Variants in PTPRT observed in about 807,000 individuals in gnomAD.
PTPRT encodes receptor-type tyrosine-protein phosphatase T.
In PTPRT, 56 loss-of-function variants were observed where a neutral mutation model predicts 176.8. The ratio of observed to expected loss-of-function variants is 0.32; its 90% CI spans 0.26 to 0.40. The LOEUF (loss-of-function observed/expected upper bound fraction) is 0.40, where lower values mean the gene tolerates loss of function less well. Ranked by LOEUF, PTPRT falls within the 10% of genes least tolerant of loss-of-function variation. The pLI is 1.00. For synonymous variants in PTPRT, 783 were observed against 739.0 expected (o/e 1.06, Z -0.96); for missense variants, 1,540 against 1,908.2 (o/e 0.81, Z 3.60).
chr20:42,521,746 T>A (rs1331738481), intron 7 of PTPRT, among the ~76,000 whole-genome samples: 2 of 152,212 alleles, frequency 1.3e-5, no homozygotes, highest in Non-Finnish European at 2.9e-5. Context: ...TTGCTGTATA[T>A]AAAGTGCTTG....
At chr20:42,567,964 T>A (rs920460939) in intron 7 of PTPRT, among the ~76,000 whole-genome samples, 1 of 147,694 alleles carries the variant, frequency 6.8e-6, no homozygotes, top group African/African-American at 2.5e-5. Flanking sequence ...GTGGGTTTGC[T>A]TTTTTTTGCT....
chr20:42,094,652 G>A (rs2146188913), intron 27 of PTPRT, among the ~76,000 whole-genome samples: 1 of 152,274 alleles, frequency 6.6e-6, no homozygotes, highest in African/African-American at 2.4e-5. Flanking sequence ...CACTTTGGGA[G>A]GCCAAGATCA....
intron 6 of PTPRT, among the ~76,000 whole-genome samples, chr20:42,734,990 G>A (rs979186098): frequency 1.3e-5 from 2 of 152,168 alleles, no homozygotes; most frequent in Non-Finnish European, 2.9e-5. Flanking sequence ...CCATGGGGAG[G>A]GATCATGAAG....
intron 1 of PTPRT, among the ~76,000 whole-genome samples, chr20:43,079,192 C>G (rs528396888): frequency 7.2e-6 from 1 of 138,322 alleles, no homozygotes; most frequent in South Asian, 2.7e-4. Context: ...CCCCCCAGCC[C>G]CCTCTCTCCC....
chr20:42,335,827 C>T (rs868158939), intron 11 of PTPRT, among the ~76,000 whole-genome samples: 2 of 151,942 alleles, frequency 1.3e-5, no homozygotes, highest in Admixed American at 6.6e-5. Context: ...CATTCTATAA[C>T]GAATTAAACA....
At chr20:42,982,264 GGA>G (rs147184710) in intron 1 of PTPRT, among the ~76,000 whole-genome samples, 2 of 151,974 alleles carry the variant, frequency 1.3e-5, no homozygotes, top group African/African-American at 4.8e-5. Context: ...GCTGGGTGGT[GGA>G]GAGAGAGAGA....
intron 7 of PTPRT, among the ~76,000 whole-genome samples, chr20:42,526,048 TTTGC>T (rs2072262757): frequency 1.3e-5 from 2 of 152,252 alleles, no homozygotes; most frequent in South Asian, 4.1e-4. Context: ...CATTGATATG[TTTGC>T]TTGTACACCA....
chr20:42,130,539 G>T (rs1988076082), intron 18 of PTPRT, among the ~76,000 whole-genome samples: 1 of 152,216 alleles, frequency 6.6e-6, no homozygotes, highest in Non-Finnish European at 1.5e-5. Context: ...ACAACCTGCA[G>T]GGGTAAGTTA....
At position 42,199,244 on chromosome 20, in the gene PTPRT, T is replaced by A; in HGVS notation, c.2487A>T (p.Gly829=). 6.2e-7 allele frequency: 1 copy of A among 1,614,022 alleles called. No individual in the cohort carries two copies. Among genetic ancestry groups the A allele is most frequent in the Non-Finnish European group, 8.5e-7 (1 of 1,179,936 alleles). The stretch of plus-strand genomic sequence containing the variant: ...CCCTTTGTTGGCTCTACTTACTGAA[T>A]CCGTTGACGTCCTGAGAACTAGAAG... ...GFSSSSQDVN[G]FTDGSRGELS... Residue 829 remains glycine (G), a synonymous_variant, in exon 16 of 31, where the codon GGA becomes GGT. Coordinates refer to ENST00000373187, the MANE Select transcript of PTPRT (RefSeq NM_007050.6).
intron 7 of PTPRT, among the ~76,000 whole-genome samples, chr20:42,593,026 C>A (rs6102918): frequency 0.32 from 49,111 of 152,030 alleles, 8,822 homozygotes; most frequent in African/African-American, 0.46. Context: ...CCAGTAATGA[C>A]TCAAACCAAA....
At position 42,315,712 on chromosome 20, in the gene PTPRT, G is replaced by T; in HGVS notation, c.2139+11C>A. 1 of 1,611,300 alleles carries T rather than the reference G, an allele frequency of 6.2e-7. No individual in the cohort carries two copies. Among genetic ancestry groups the T allele is most frequent in the Non-Finnish European group, 8.5e-7 (1 of 1,177,676 alleles). ...CAAGGCAAGGAATGGCCTCCATGTG[G>T]CCATACTTACTCCATTGGCTTTGCT... is the stretch of plus-strand genomic sequence containing the variant. On this transcript the variant is annotated intron_variant, in intron 12 of 30. Transcript: ENST00000373187.
At chr20:42,193,367 G>T (rs1296898408) in intron 16 of PTPRT, among the ~76,000 whole-genome samples, 1 of 152,232 alleles carries the variant, frequency 6.6e-6, no homozygotes, top group African/African-American at 2.4e-5. Context: ...TGCCCACATG[G>T]TAGAAAAGCC....
intron 9 of PTPRT, among the ~76,000 whole-genome samples, chr20:42,389,364 C>A (rs1393330079): frequency 6.6e-6 from 1 of 151,864 alleles, no homozygotes; most frequent in Non-Finnish European, 1.5e-5. Flanking sequence ...AAACTAAATT[C>A]TTCTTTCACA....
At position 43,173,166 on chromosome 20, in the gene PTPRT, T is replaced by G. The variant is rs1417039319; in HGVS notation, c.88+16480A>C. ...ACCACATGGTTCATGACAGAGCAGA[T>G]GGACTCACCTGCCCCAGATCTGATT... On this transcript the variant is annotated intron_variant, in intron 1 of 30. Coordinates refer to ENST00000373187, the MANE Select transcript of PTPRT (RefSeq NM_007050.6). Among the ~76,000 whole-genome samples, 5 of 152,226 alleles carry G rather than the reference T, an allele frequency of 3.3e-5. No individual in the cohort carries two copies. The East Asian group carries it at 9.7e-4, about 29-fold the overall frequency.
At chr20:42,504,329 G>C (rs879923804) in intron 7 of PTPRT, among the ~76,000 whole-genome samples, 2 of 151,652 alleles carry the variant, frequency 1.3e-5, no homozygotes, top group Non-Finnish European at 2.9e-5. Flanking sequence ...ATGAATAAAT[G>C]AATGTTAAAA....
At position 42,664,153 on chromosome 20, in the gene PTPRT, C is replaced by T. The variant is rs139692483; in HGVS notation, c.1153+13713G>A. Among the ~76,000 whole-genome samples, 223 of 152,292 alleles carry T rather than the reference C, an allele frequency of 1.5e-3. 2 individuals are homozygous for T. The highest frequency in any genetic ancestry group is 5.2e-3 in the African/African-American group (215 of 41,572). ...TTATTTGATCATCTGTAACACTGGACATTTTTAATACGCTTTTTGCTATTC... is the reference window on the plus strand; with the variant it reads ...TTATTTGATCATCTGTAACACTGGATATTTTTAATACGCTTTTTGCTATTC... On this transcript the variant is annotated intron_variant, in intron 7 of 30. Transcript: ENST00000373187.
chr20:43,039,365 A>AC (rs1249726792), intron 1 of PTPRT, among the ~76,000 whole-genome samples: 1 of 76,840 alleles, frequency 1.3e-5, no homozygotes, highest in Non-Finnish European at 2.2e-5. Flanking sequence ...ATAAAAAAAA[A>AC]ACCACAAAAT....
At chr20:42,888,404 ATATTCGACACC>A (rs2079137334) in intron 1 of PTPRT, among the ~76,000 whole-genome samples, 1 of 152,204 alleles carries the variant, frequency 6.6e-6, no homozygotes, top group Non-Finnish European at 1.5e-5. Context: ...GTTGGGCAAC[ATATTCGACACC>A]GATTACATAT....
At chr20:42,270,363 T>TCCCCA in intron 13 of PTPRT, 1 of 1,332,716 alleles carries the variant, frequency 7.5e-7, no homozygotes, top group Non-Finnish European at 1.0e-6. Context: ...TGGGCAACTC[T>TCCCCA]CCCCTCCCAC....
Sources: allele counts gnomAD v4.1 joint callset (sites outside exome capture counted in the v4.1 genomes callset), GRCh38; gene constraint gnomAD v4.1.1; transcripts MANE v1.5; gene names NCBI Gene and HGNC (gene_info 2026-07-23, HGNC 2026-07-21).